SMOC2: variants seen among roughly 807,000 people sequenced by gnomAD.
The protein encoded by SMOC2 is SPARC-related modular calcium-binding protein 2.
A neutral mutation model predicts 61.4 loss-of-function variants in SMOC2; 39 were observed. That is an observed-to-expected ratio of 0.64 (90% CI 0.49 to 0.83). The LOEUF (loss-of-function observed/expected upper bound fraction) is 0.83. Among genes scored for constraint, SMOC2 ranks in the 40% least tolerant of loss-of-function variants. The pLI, the probability that SMOC2 is intolerant of heterozygous loss-of-function variation, is 0.00. For synonymous variants in SMOC2, 247 were observed against 239.9 expected (o/e 1.03, Z -0.27); for missense variants, 556 against 592.9 (o/e 0.94, Z 0.65).
chr6:168,551,439 ATTT>A (rs1784127867), intron 7 of SMOC2, among the ~76,000 whole-genome samples: 1 of 101,794 alleles, frequency 9.8e-6, no homozygotes, highest in Non-Finnish European at 2.2e-5. Flanking sequence ...TTATTTATTT[ATTT>A]ATTTATTTAT....
rs936117927 is a variant in SMOC2 at position 168,667,141 on chromosome 6, C to T, written c.*703C>T. On this transcript the variant is annotated 3_prime_UTR_variant, in exon 13 of 13. Transcript: ENST00000356284. Reference sequence around the variant, plus strand: ...GGGGCTTGAATGAGTCCCAGAGAGTCGTTCGGATGGTGGGAGGCTGCCTAG... The same window carrying T: ...GGGGCTTGAATGAGTCCCAGAGAGTTGTTCGGATGGTGGGAGGCTGCCTAG... 2 of 152,288 alleles carry T rather than the reference C, an allele frequency of 1.3e-5. No individual in the cohort carries two copies. Among genetic ancestry groups the T allele is most frequent in the South Asian group, 2.1e-4 (1 of 4,812 alleles). The allele number at this position is 152,288 out of a possible 1,614,324, so 9.4% of individuals were successfully genotyped here.
chr6:168,611,768 G>T (rs979635966), intron 9 of SMOC2, among the ~76,000 whole-genome samples: 1 of 152,026 alleles, frequency 6.6e-6, no homozygotes, highest in Non-Finnish European at 1.5e-5. Flanking sequence ...TGTGGCTCCC[G>T]TGTCTGAGCC....
At chr6:168,563,920 C>T (rs961715769) in intron 7 of SMOC2, among the ~76,000 whole-genome samples, 2 of 151,198 alleles carry the variant, frequency 1.3e-5, no homozygotes, top group East Asian at 2.0e-4. Flanking sequence ...CTGCAGGGGG[C>T]GGGGGCGGGT....
Position 168,452,482 on chromosome 6 carries a change from C to A in SMOC2, c.84+11028C>A, listed in dbSNP as rs573550856. 6.6e-6 allele frequency among the ~76,000 whole-genome samples: 1 copy of A among 152,132 alleles called. No homozygotes were observed. Among genetic ancestry groups the A allele is most frequent in the Non-Finnish European group, 1.5e-5 (1 of 68,036 alleles). On this transcript the variant is annotated intron_variant, in intron 1 of 12. Coordinates refer to ENST00000356284, the MANE Select transcript of SMOC2 (RefSeq NM_001166412.2). The surrounding 1 kb of genome is among the most constrained non-coding windows in gnomAD (Gnocchi z 5.0). ...TGAGTCGGGTTTTATTCAAAGCAAT[C>A]GCTTAACTTATTTTATTTGCTAAAT...
chr6:168,578,921 C>A (rs928217669), intron 7 of SMOC2, among the ~76,000 whole-genome samples: 1 of 152,222 alleles, frequency 6.6e-6, no homozygotes, highest in African/African-American at 2.4e-5. Flanking sequence ...GCCTCTGATG[C>A]ACGCATCTCT....
chr6:168,513,285 G>C (rs1034341036), intron 2 of SMOC2, among the ~76,000 whole-genome samples: 3 of 151,520 alleles, frequency 2.0e-5, no homozygotes, highest in African/African-American at 7.3e-5. Flanking sequence ...AAAATAATTT[G>C]TTGAATCTAA....
In SMOC2 at chr6:168,509,966, G is replaced by A. The variant is rs527301846; in HGVS notation, c.136G>A (p.Gly46Ser). 9.4e-5 allele frequency: 152 copies of A among 1,614,160 alleles called. 2 individuals are homozygous for A. In the Middle Eastern group the frequency reaches 1.5e-3, roughly 16 times the overall value. Residue 46 changes from glycine to serine, a missense_variant, in exon 2 of 13, where the codon GGT (glycine) becomes AGT (serine). By Grantham distance (56) the Gly-to-Ser change is moderately conservative (BLOSUM62 0). Coordinates refer to ENST00000356284, the MANE Select transcript of SMOC2 (RefSeq NM_001166412.2). ...CAAGGATTGTAGCTTGGACTGTGCG[G>A]GTTCGCCCCAGAAACCTCTCTGCGC... ...KDKDCSLDCA[G>S]SPQKPLCASD...
At chr6:168,579,710 A>G (rs1167674176) in intron 7 of SMOC2, among the ~76,000 whole-genome samples, 1 of 151,110 alleles carries the variant, frequency 6.6e-6, no homozygotes, top group East Asian at 2.0e-4. Flanking sequence ...ACGCGGAGAT[A>G]CTCCCTGTGG....
chr6:168,624,438 A>G (rs1000134066), intron 9 of SMOC2, among the ~76,000 whole-genome samples: 1 of 152,208 alleles, frequency 6.6e-6, no homozygotes, highest in Non-Finnish European at 1.5e-5. Context: ...TCTGCAATCT[A>G]TTATTGAAGG....
Position 168,526,552 on chromosome 6 carries a change from A to AAGC in SMOC2, c.363+104_363+106dup, listed in dbSNP as rs144317308. The AAGC allele has an allele frequency of 3.0e-3, 2,744 of 911,462 alleles. 67 individuals are homozygous for AAGC. In the African/African-American group the frequency reaches 0.04, roughly 13 times the overall value. 56.5% of individuals were successfully genotyped at this position (911,462 alleles called of 1,614,324 possible). On this transcript the variant is annotated intron_variant, in intron 3 of 12. Transcript: ENST00000356284. ...GCAGGTGGGGGGAGCCGAACAGAAG[A>AAGC]AGCAGCGGGTTTGTTCTCTGGGGAA...
At chr6:168,639,413 C>T (rs964971800) in intron 9 of SMOC2, among the ~76,000 whole-genome samples, 9 of 152,144 alleles carry the variant, frequency 5.9e-5, no homozygotes, top group Non-Finnish European at 1.0e-4. Context: ...GACCGTTGTA[C>T]ATGTTTTTGA....
intron 9 of SMOC2, among the ~76,000 whole-genome samples, chr6:168,638,809 C>T (rs1051199325): frequency 2.6e-5 from 4 of 152,124 alleles, no homozygotes; most frequent in Non-Finnish European, 4.4e-5. Context: ...TCCTGCTCCT[C>T]GTTCCATTTG....
intron 9 of SMOC2, among the ~76,000 whole-genome samples, chr6:168,633,793 G>A (rs1467390273): frequency 6.6e-6 from 1 of 152,162 alleles, no homozygotes; most frequent in Non-Finnish European, 1.5e-5. Context: ...ATGGCACGGT[G>A]CTATGGTTTG....
chr6:168,481,856 A>T (rs1452978563), intron 1 of SMOC2, among the ~76,000 whole-genome samples: 1 of 152,016 alleles, frequency 6.6e-6, no homozygotes, highest in Non-Finnish European at 1.5e-5. Flanking sequence ...CCAAAAAAAT[A>T]ACCAAAATAA....
At chr6:168,466,128 G>T (rs1475707712) in intron 1 of SMOC2, among the ~76,000 whole-genome samples, 1 of 149,446 alleles carries the variant, frequency 6.7e-6, no homozygotes, top group African/African-American at 2.5e-5. Flanking sequence ...GAAGCGAGGT[G>T]CTACTCTGAG....
chr6:168,520,267 C>T (rs1289027653), intron 2 of SMOC2, among the ~76,000 whole-genome samples: 1 of 152,294 alleles, frequency 6.6e-6, no homozygotes, highest in African/African-American at 2.4e-5. Flanking sequence ...TTCAAAATTA[C>T]GGGTGGGTAA....
chr6:168,608,151 C>A lies in SMOC2; in HGVS notation c.825-6C>A, dbSNP rs201480157. On this transcript the variant is annotated splice_region_variant and splice_polypyrimidine_tract_variant and intron_variant, in intron 8 of 12. Transcript: ENST00000356284. ...TCTCCTTCCCCCGCCTTCCCCCCGC[C>A]CATAGGTACGAGCAGCCGAAATGTG... 1 of 1,613,360 alleles carries A rather than the reference C, an allele frequency of 6.2e-7. No homozygotes were observed.
chr6:168,615,240 C>G (rs372991461), intron 9 of SMOC2, among the ~76,000 whole-genome samples: 1 of 86,028 alleles, frequency 1.2e-5, no homozygotes, highest in African/African-American at 4.6e-5. Context: ...GGCCTCTTCA[C>G]ACCTACAGCC....
chr6:168,548,351 CTTTT>C (rs758386557), intron 6 of SMOC2, among the ~76,000 whole-genome samples: 1 of 127,176 alleles, frequency 7.9e-6, no homozygotes, highest in Non-Finnish European at 1.6e-5. Context: ...CACTACATTC[CTTTT>C]TTTTTTTTTT....
Sources: allele counts gnomAD v4.1 joint callset (sites outside exome capture counted in the v4.1 genomes callset), GRCh38; gene constraint gnomAD v4.1.1; non-coding constraint Gnocchi (gnomAD v3.1); transcripts MANE v1.5; gene names NCBI Gene and HGNC (gene_info 2026-07-23, HGNC 2026-07-21).